Variants in LTBP3 observed in about 807,000 individuals in gnomAD.
The protein encoded by LTBP3 is latent transforming growth factor beta binding protein 3, also known as latent-transforming growth factor beta-binding protein 3.
In LTBP3, 97 loss-of-function variants were observed where a neutral mutation model predicts 159.7. The ratio of observed to expected loss-of-function variants is 0.61; its 90% CI spans 0.52 to 0.72. The LOEUF is 0.72. Among genes scored for constraint, LTBP3 ranks in the 30% least tolerant of loss-of-function variants. The pLI is 0.00. For synonymous variants in LTBP3, 824 were observed against 777.1 expected (o/e 1.06, Z -1.00); for missense variants, 1,584 against 1,864.3 (o/e 0.85, Z 2.77).
intron 8 of LTBP3, 74 bp from the exon 9 acceptor site, chr11:65,551,638 G>A: frequency 6.3e-7 from 1 of 1,580,066 alleles, no homozygotes; most frequent in Non-Finnish European, 8.7e-7. Flanking sequence ...CAGCAGCTGA[G>A]TATTTGCAGT....
chr11:65,542,381 CTTT>C (rs775859883), intron 18 of LTBP3: 19 of 91,970 alleles, frequency 2.1e-4, no homozygotes, highest in South Asian at 3.7e-4. Flanking sequence ...GCTCAATAAA[CTTT>C]TTTTTTTTTT....
At position 65,557,954 on chromosome 11, in the gene LTBP3, G is replaced by A. The variant is rs865779077; in HGVS notation, c.6C>T (p.Pro2=). M[P]GPRGAAGGLA... is the part of the protein sequence containing the mutation. Reference sequence around the variant, plus strand: ...GGCCGCCAGCAGCCCCTCGGGGCCCGGGCATCCGGGGCCGCAGGACCCGGG... The same window carrying A: ...GGCCGCCAGCAGCCCCTCGGGGCCCAGGCATCCGGGGCCGCAGGACCCGGG... The change falls in exon 1 of 28, where the codon CCC becomes CCT. Residue 2 remains proline (P), a synonymous_variant. Coordinates refer to ENST00000301873, the MANE Select transcript of LTBP3 (RefSeq NM_001130144.3). 3 of 1,162,162 alleles carry A rather than the reference G, an allele frequency of 2.6e-6. No homozygotes were observed. The highest frequency in any genetic ancestry group is 4.3e-5 in the East Asian group (1 of 23,078). 72.0% of individuals were successfully genotyped at this position (1,162,162 alleles called of 1,614,324 possible).
At position 65,551,794 on chromosome 11, in the gene LTBP3, T is replaced by C. The variant is rs11227221; in HGVS notation, c.1531+178A>G. 0.66 allele frequency: 615,356 copies of C among 929,912 alleles called. 209,375 individuals carry two copies. Among genetic ancestry groups the C allele is most frequent in the Admixed American group, 0.7 (38,782 of 55,064 alleles). The allele number at this position is 929,912 out of a possible 1,614,324, so 57.6% of individuals were successfully genotyped here. On this transcript the variant is annotated intron_variant, in intron 8 of 27. Transcript: ENST00000301873. ...TCAGGCTGTAGAAGGCTTAGGAGGTTATAGCTCAGGGTCAAATATCTGGGT... is the reference window on the plus strand; with the variant it reads ...TCAGGCTGTAGAAGGCTTAGGAGGTCATAGCTCAGGGTCAAATATCTGGGT...
Position 65,553,694 on chromosome 11 carries a change from C to G in LTBP3, c.864+7G>C. The G allele has an allele frequency of 6.4e-7, 1 of 1,572,852 alleles. No homozygotes were observed. Among genetic ancestry groups the G allele is most frequent in the South Asian group, 1.1e-5 (1 of 87,330 alleles). ...GAAAGGCAGATCCCGACTGTGGATT[C>G]ACTCACCGGCTGCTTGGGCAGAGTG... On this transcript the variant is annotated splice_region_variant and intron_variant, in intron 3 of 27. Coordinates refer to ENST00000301873, the MANE Select transcript of LTBP3 (RefSeq NM_001130144.3). This position sits in a 1 kb window ranked among gnomAD's most constrained non-coding sequence, Gnocchi z 6.5.
intron 18 of LTBP3, chr11:65,541,981 CA>C: frequency 2.1e-6 from 1 of 478,614 alleles, no homozygotes. Context: ...GGAAAGGCCT[CA>C]AATGCAATTG....
rs1255386410 is a variant in LTBP3 at position 65,546,088 on chromosome 11, T to G, written c.2353+354A>C. On this transcript the variant is annotated intron_variant, in intron 16 of 27. Coordinates refer to ENST00000301873, the MANE Select transcript of LTBP3 (RefSeq NM_001130144.3). The surrounding 1 kb of genome is among the most constrained non-coding windows in gnomAD (Gnocchi z 4.0). ...CAGCACTGCATGCTACAGTCTGTCT[T>G]TCCTTCTCCAGTTTTCAATGAGTCC... The G allele has an allele frequency of 6.2e-6, 2 of 323,012 alleles. No individual in the cohort carries two copies. The highest frequency in any genetic ancestry group is 2.2e-5 in the African/African-American group (1 of 44,456). The allele number at this position is 323,012 out of a possible 1,614,324, so 20.0% of individuals were successfully genotyped here.
rs1856754635 is a variant in LTBP3, at chr11:65,554,882, C to T, written c.332-502G>A. On this transcript the variant is annotated intron_variant, in intron 1 of 27. Transcript: ENST00000301873. This position sits in a 1 kb window ranked among gnomAD's most constrained non-coding sequence, Gnocchi z 5.3. ...TCTCTGCCTGCTCTCCACCCTCTCC[C>T]TCTTCACCATCCTGGGGCGCCCACC... 6.6e-6 allele frequency among the ~76,000 whole-genome samples: 1 copy of T among 151,988 alleles called. No individual in the cohort carries two copies. The highest frequency in any genetic ancestry group is 6.5e-5 in the Admixed American group (1 of 15,268).
In LTBP3 at chr11:65,540,384, T is replaced by A; in HGVS notation, c.3107-2A>T. On this transcript the variant is annotated splice_acceptor_variant, in intron 22 of 27. Coordinates refer to ENST00000301873, the MANE Select transcript of LTBP3 (RefSeq NM_001130144.3). LOFTEE classifies it high-confidence loss of function. ...ACTCGTCCAGGCACTCGTCCACGTC[T>A]GCAGGGAGGAAAAGCGTGGGTAGCA... The A allele has an allele frequency of 6.2e-7, 1 of 1,601,546 alleles. No homozygotes were observed. Among genetic ancestry groups the A allele is most frequent in the Non-Finnish European group, 8.5e-7 (1 of 1,174,990 alleles).
chr11:65,554,146 T>G lies in LTBP3; in HGVS notation c.566A>C (p.Gln189Pro). 1.9e-6 allele frequency: 3 copies of G among 1,612,002 alleles called. No individual in the cohort carries two copies. Among genetic ancestry groups the G allele is most frequent in the Non-Finnish European group, 2.5e-6 (3 of 1,179,604 alleles). ...VASKHAIYAV[Q>P]VIADPPGPGE... ...GGGCCCAGGAGGGTCAGCGATCACC[T>G]GGACGGCGTAGATGGCGTGCTTGCT... The change falls in exon 2 of 28, where the codon CAG becomes CCG. Residue 189 changes from glutamine (Q) to proline (P), a missense_variant. This residue lies in a region of LTBP3 where 194 missense variants were observed against 198.7 expected (regional missense o/e 0.98). Coordinates refer to ENST00000301873, the MANE Select transcript of LTBP3 (RefSeq NM_001130144.3). This position sits in a 1 kb window ranked among gnomAD's most constrained non-coding sequence, Gnocchi z 5.3.
chr11:65,541,333 C>A (rs779435308), intron 19 of LTBP3, 40 bp from the exon 20 acceptor site: 76 of 1,600,802 alleles, frequency 4.7e-5, no homozygotes, highest in Admixed American at 3.2e-4. Context: ...GCACAGACCC[C>A]CCTTGGCCCT....
At position 65,554,018 on chromosome 11, in the gene LTBP3, G is replaced by A; in HGVS notation, c.661+33C>T. ...TGGCCACCCTAGTGCCCACCCACTG[G>A]CGACCTTCCCGGGTTTGCCAGTTGC... On this transcript the variant is annotated intron_variant, in intron 2 of 27. Coordinates refer to ENST00000301873, the MANE Select transcript of LTBP3 (RefSeq NM_001130144.3). The surrounding 1 kb of genome is among the most constrained non-coding windows in gnomAD (Gnocchi z 5.3). 6.3e-7 allele frequency: 1 copy of A among 1,597,826 alleles called. No individual in the cohort carries two copies. The highest frequency in any genetic ancestry group is 8.5e-7 in the Non-Finnish European group (1 of 1,178,368).
Position 65,547,950 on chromosome 11 carries a change from G to C in LTBP3, c.1816C>G (p.Arg606Gly), listed in dbSNP as rs763639032. ...DYSCHCNPGY[R>G]SHPQHRYCVD... ...CAGTAGCGGTGCTGGGGATGTGACC[G>C]GTAGCCGGGGTTGCAGTGGCAGGAG... Residue 606 changes from arginine (R) to glycine (G), a missense_variant, in exon 12 of 28, where the codon CGG (arginine) becomes GGG (glycine). Physicochemically the swap from Arg to Gly is moderately radical, Grantham distance 125 (BLOSUM62 -2). This residue lies in a region of LTBP3 where 565 missense variants were observed against 677.7 expected (regional missense o/e 0.83). Transcript: ENST00000301873. This position sits in a 1 kb window ranked among gnomAD's most constrained non-coding sequence, Gnocchi z 4.6. 10 of 1,613,838 alleles carry C rather than the reference G, an allele frequency of 6.2e-6. No individual in the cohort carries two copies. In the South Asian group the frequency reaches 1.1e-4, roughly 18 times the overall value.
rs2135142612 is a variant in LTBP3 at position 65,547,757 on chromosome 11, G to C, written c.1911C>G (p.Gly637=). 1 of 1,610,316 alleles carries C rather than the reference G, an allele frequency of 6.2e-7. No homozygotes were observed. ...PGRGICMNTG[G]SYNCHCNRGY... is the part of the protein sequence containing the mutation. ...CGCGGTTGCAGTGGCAATTGTAGGA[G>C]CCGCCGGTGTTCATGCAGATGCCCC... Residue 637 remains glycine (G), a synonymous_variant, in exon 13 of 28, where the codon GGC becomes GGG. Coordinates refer to ENST00000301873, the MANE Select transcript of LTBP3 (RefSeq NM_001130144.3). This position sits in a 1 kb window ranked among gnomAD's most constrained non-coding sequence, Gnocchi z 4.6.
At position 65,540,873 on chromosome 11, in the gene LTBP3, C is replaced by T. The variant is rs1407290844; in HGVS notation, c.2975G>A (p.Arg992His). Residue 992 changes from arginine (R) to histidine (H), a missense_variant and splice_region_variant, in exon 21 of 28, where the codon CGT (arginine) becomes CAT (histidine). Coordinates refer to ENST00000301873, the MANE Select transcript of LTBP3 (RefSeq NM_001130144.3). ...GGGCGGAGCCGCAGGGCGCTTACCA[C>T]GGTGGGCTGGGATGCCGTAGTTGAC... The part of the protein sequence containing the change: ...NIVNYGIPAH[R>H]DIDECMLFGS... 5 of 1,611,344 alleles carry T rather than the reference C, an allele frequency of 3.1e-6. No individual in the cohort carries two copies. The highest frequency in any genetic ancestry group is 4.5e-5 in the East Asian group (2 of 44,782).
Position 65,546,411 on chromosome 11 carries a change from G to C in LTBP3, c.2353+31C>G, listed in dbSNP as rs1275440444. 6.6e-7 allele frequency: 1 copy of C among 1,517,770 alleles called. No individual in the cohort carries two copies. The allele number at this position is 1,517,770 out of a possible 1,614,324, so 94.0% of individuals were successfully genotyped here. A position where few individuals can be genotyped will look rare whatever the true frequency, so the allele number is the denominator to read the frequency against. ...CCGGCTTCAGCGCGTAGGGGGCGGC[G>C]GAGGCCCGGGGCGGGGGTGCTGGCG... On this transcript the variant is annotated intron_variant, in intron 16 of 27. Coordinates refer to ENST00000301873, the MANE Select transcript of LTBP3 (RefSeq NM_001130144.3). The surrounding 1 kb of genome is among the most constrained non-coding windows in gnomAD (Gnocchi z 4.0).
chr11:65,547,025 C>G lies in LTBP3; in HGVS notation c.2108-105G>C. Reference sequence around the variant, plus strand: ...TCCTCCCACACAGATCAACGAGGCTCCCGGACCCCAACCTCTGAGAGGCCC... The same window carrying G: ...TCCTCCCACACAGATCAACGAGGCTGCCGGACCCCAACCTCTGAGAGGCCC... On this transcript the variant is annotated intron_variant, in intron 14 of 27. Transcript: ENST00000301873. This position sits in a 1 kb window ranked among gnomAD's most constrained non-coding sequence, Gnocchi z 4.6. The G allele has an allele frequency of 6.6e-7, 1 of 1,522,374 alleles. No individual in the cohort carries two copies. 94.3% of individuals were successfully genotyped at this position (1,522,374 alleles called of 1,614,324 possible).
In LTBP3 at chr11:65,551,403, G is replaced by A. The variant is rs200693646; in HGVS notation, c.1620C>T (p.Pro540=). ...TATTTPARPY[P]ELISRPSPPT... is the part of the protein sequence containing the mutation. ...TCATCCCTACAGTGCCCAGCTCACC[G>A]GGGTAGGGCCGGGCAGGAGTCGTGG... Residue 540 remains proline, a splice_region_variant and synonymous_variant, in exon 10 of 28, where the codon CCC becomes CCT. Transcript: ENST00000301873. 77 of 1,612,762 alleles carry A rather than the reference G, an allele frequency of 4.8e-5. No homozygotes were observed. The highest frequency in any genetic ancestry group is 1.7e-4 in the Middle Eastern group (1 of 6,024).
rs71036212 is a variant in LTBP3 at position 65,557,854 on chromosome 11, C to CCAGCAG, written c.100_105dup (p.Leu34_Leu35dup). The CCAGCAG allele has an allele frequency of 0.15, 202,957 of 1,318,248 alleles. 7,553 individuals are homozygous for CCAGCAG. Among genetic ancestry groups the CCAGCAG allele is most frequent in the Non-Finnish European group, 0.17 (176,307 of 1,024,646 alleles). 81.7% of individuals were successfully genotyped at this position (1,318,248 alleles called of 1,614,324 possible). ...CCCCCCTCGACCCTGCCGCCCAGGC[C>CCAGCAG]CAGCAGCAGCAGCAGCAGCAGCAGC... On this transcript the variant is annotated inframe_insertion, in exon 1 of 28. Coordinates refer to ENST00000301873, the MANE Select transcript of LTBP3 (RefSeq NM_001130144.3).
Position 65,552,331 on chromosome 11 carries a change from G to C in LTBP3, c.1262C>G (p.Thr421Ser). Residue 421 changes from threonine to serine, a missense_variant, in exon 7 of 28, where the codon ACC becomes AGC. This residue lies in a region of LTBP3 where 156 missense variants were observed against 259.7 expected (regional missense o/e 0.60). Coordinates refer to ENST00000301873, the MANE Select transcript of LTBP3 (RefSeq NM_001130144.3). The surrounding 1 kb of genome is among the most constrained non-coding windows in gnomAD (Gnocchi z 6.0). ...GCAGCAGAGCTGGCGGGTCAGGCGG[G>C]TGGTCAGTGGGTGCTGGCACTGGTG... ...PEHQCQHPLT[T>S]RLTRQLCCCS... is the part of the protein sequence containing the mutation. 1 of 1,614,100 alleles carries C rather than the reference G, an allele frequency of 6.2e-7. No individual in the cohort carries two copies. The highest frequency in any genetic ancestry group is 8.5e-7 in the Non-Finnish European group (1 of 1,180,000).
Sources: gnomAD v4.1 joint callset for allele counts (sites outside exome capture counted in the v4.1 genomes callset) on GRCh38, gnomAD v4.1.1 for gene constraint, gnomAD v4.1.1 regional missense constraint, Gnocchi (gnomAD v3.1) non-coding constraint, MANE v1.5 for transcripts, NCBI Gene and HGNC (gene_info 2026-07-23, HGNC 2026-07-21) for gene names.